The following CPLANE1 variants were observed in gnomAD, a reference collection of about 807,000 sequenced individuals.
The protein encoded by CPLANE1 is ciliogenesis and planar polarity effector complex subunit 1, also known as ciliogenesis and planar polarity effector 1.
A neutral mutation model predicts 362.5 loss-of-function variants in CPLANE1; 263 were observed. That is an observed-to-expected ratio of 0.73 (90% confidence interval 0.66 to 0.80). The LOEUF (loss-of-function observed/expected upper bound fraction) is 0.80. Ranked by LOEUF, CPLANE1 falls within the 30% of genes least tolerant of loss-of-function variation. CPLANE1 has a pLI of 0.00. For synonymous variants in CPLANE1, 1,212 were observed against 1,302.6 expected (o/e 0.93, Z 1.50); for missense variants, 3,461 against 3,793.4 (o/e 0.91, Z 2.30).
At chr5:37,223,404 A>G (rs910851007) in intron 14 of CPLANE1, among the ~76,000 whole-genome samples, 5 of 152,242 alleles carry the variant, frequency 3.3e-5, no homozygotes, top group Non-Finnish European at 7.3e-5. Context: ...TTGAAGGTAA[A>G]GTTGTTTATT....
the CPLANE1 span, among the ~76,000 whole-genome samples, chr5:37,088,104 G>C: frequency 2.0e-5 from 3 of 152,178 alleles, no homozygotes; most frequent in Non-Finnish European, 2.9e-5. Flanking sequence ...GGCTTGGGAC[G>C]GAATTCCCAA....
intron 42 of CPLANE1, among the ~76,000 whole-genome samples, chr5:37,150,938 T>G (rs922977968): frequency 6.6e-6 from 1 of 152,222 alleles, no homozygotes; most frequent in Non-Finnish European, 1.5e-5. Flanking sequence ...GGAACCACTG[T>G]GACCCATGTG....
At chr5:37,078,726 T>G in the CPLANE1 span, among the ~76,000 whole-genome samples, 1 of 152,034 alleles carries the variant, frequency 6.6e-6, no homozygotes, top group African/African-American at 2.4e-5. Flanking sequence ...TTTTTTTTTT[T>G]TTTGACATTT....
At position 37,224,651 on chromosome 5, in the gene CPLANE1, AACTG is replaced by A. The variant is rs1305248664; in HGVS notation, c.2377_2380del (p.Gln793Ter). 6.4e-6 allele frequency: 10 copies of A among 1,551,374 alleles called. No homozygotes were observed. The highest frequency in any genetic ancestry group is 1.2e-5 in the South Asian group (1 of 84,062). ...TGCTTCATGTGTCATCTTTTCAGTT[AACTG>A]ACTATCAGCTTCAGGAACTCTTCGA... is the stretch of plus-strand genomic sequence containing the variant. On this transcript the variant is annotated frameshift_variant, in exon 13 of 53. Transcript: ENST00000651892.
chr5:37,139,926 A>G, intron 44 of CPLANE1: 3 of 985,396 alleles, frequency 3.0e-6, no homozygotes, highest in Non-Finnish European at 3.6e-6. Context: ...TTTGCTTAGT[A>G]CACAGTTTAG....
intron 51 of CPLANE1, among the ~76,000 whole-genome samples, chr5:37,110,348 C>A (rs556079472): frequency 3.9e-5 from 6 of 152,318 alleles, no homozygotes; most frequent in African/African-American, 1.4e-4. Flanking sequence ...ATACAACAAT[C>A]TTACCAGAAC....
chr5:37,193,915 T>A (rs1380864442), intron 21 of CPLANE1, among the ~76,000 whole-genome samples: 1 of 148,598 alleles, frequency 6.7e-6, no homozygotes, highest in Admixed American at 6.7e-5. Flanking sequence ...AGAAAGGAAC[T>A]TTTTTTTTCT....
intron 46 of CPLANE1, among the ~76,000 whole-genome samples, chr5:37,134,208 G>T (rs1163680231): frequency 1.3e-5 from 2 of 152,146 alleles, no homozygotes; most frequent in Non-Finnish European, 2.9e-5. Context: ...AGTTTCAGTA[G>T]AATTCCCACC....
In CPLANE1 at chr5:37,126,918, G is replaced by A. The variant is rs926183576; in HGVS notation, c.8793-1509C>T. ...AAAAAGACACCCTCCTAAACAGAAG[G>A]CCAGTCACAAATACAAACAATATAG... On this transcript the variant is annotated intron_variant, in intron 46 of 52. Transcript: ENST00000651892. Among the ~76,000 whole-genome samples, 4 of 152,238 alleles carry A rather than the reference G, an allele frequency of 2.6e-5. No individual in the cohort carries two copies. The East Asian group carries it at 7.7e-4, about 29-fold the overall frequency.
chr5:37,241,131 G>C (rs1211372677), intron 6 of CPLANE1, among the ~76,000 whole-genome samples: 1 of 150,754 alleles, frequency 6.6e-6, no homozygotes, highest in Non-Finnish European at 1.5e-5. Flanking sequence ...GTGAGACTCT[G>C]TCTCAAAAAA....
chr5:37,153,720 T>C lies in CPLANE1; in HGVS notation c.8373+20A>G. The C allele has an allele frequency of 1.3e-6, 2 of 1,582,500 alleles. No homozygotes were observed. The highest frequency in any genetic ancestry group is 1.7e-6 in the Non-Finnish European group (2 of 1,159,406). ...AATAATTCAGTAGCAAACAAAAAAC[T>C]AAAAATAAAGGTAGTCTACCTTATC... is the stretch of plus-strand genomic sequence containing the variant. On this transcript the variant is annotated intron_variant, in intron 42 of 52. Transcript: ENST00000651892.
the CPLANE1 span, chr5:37,085,893 A>T: frequency 4.6e-6 from 4 of 861,908 alleles, no homozygotes; most frequent in African/African-American, 5.1e-5. Context: ...GTACATAATT[A>T]AAAATAATGT....
At chr5:37,129,255 C>G (rs1765108570) in intron 46 of CPLANE1, among the ~76,000 whole-genome samples, 1 of 152,170 alleles carries the variant, frequency 6.6e-6, no homozygotes, top group African/African-American at 2.4e-5. Flanking sequence ...AAAATCAACT[C>G]AAGATGTATC....
chr5:37,170,093 T>C lies in CPLANE1; in HGVS notation c.6410A>G (p.His2137Arg), dbSNP rs958416569. 11 of 1,614,078 alleles carry C rather than the reference T, an allele frequency of 6.8e-6. No individual in the cohort carries two copies. The East Asian group carries it at 2.2e-4, about 33-fold the overall frequency. ...NAREPRKNSP[H>R]CHEGTIPSGQ... Reference sequence around the variant, plus strand: ...AGATGGGATAGTTCCTTCATGGCAGTGTGGGCTGTTCTTGCGAGGCTCTCT... The same window carrying C: ...AGATGGGATAGTTCCTTCATGGCAGCGTGGGCTGTTCTTGCGAGGCTCTCT... Residue 2137 changes from histidine (H) to arginine (R), a missense_variant, in exon 33 of 53, where the codon CAC becomes CGC. Coordinates refer to ENST00000651892, the MANE Select transcript of CPLANE1 (RefSeq NM_001384732.1).
chr5:37,194,596 C>G (rs1456583182), intron 21 of CPLANE1, among the ~76,000 whole-genome samples: 1 of 151,260 alleles, frequency 6.6e-6, no homozygotes. Context: ...GTTGGAAAAA[C>G]AGACAATCTG....
chr5:37,103,350 A>C (rs997358076), downstream of CPLANE1, among the ~76,000 whole-genome samples: 1 of 152,180 alleles, frequency 6.6e-6, no homozygotes, highest in Non-Finnish European at 1.5e-5. Context: ...TAATTGTGGC[A>C]TTAAGTCCAT....
chr5:37,209,516 T>G lies in CPLANE1; in HGVS notation c.2921-3091A>C. The G allele has an allele frequency of 7.8e-7, 1 of 1,278,052 alleles. No individual in the cohort carries two copies. Among genetic ancestry groups the G allele is most frequent in the South Asian group, 1.2e-5 (1 of 84,182 alleles). 79.2% of individuals were successfully genotyped at this position (1,278,052 alleles called of 1,614,324 possible). A position where few individuals can be genotyped will look rare whatever the true frequency, so the allele number is the denominator to read the frequency against. ...AGCTAATTCATGAGTTAATGCACCCTGTATTGAGTGGAGAACTGCAACCTC... is the reference window on the plus strand; with the variant it reads ...AGCTAATTCATGAGTTAATGCACCCGGTATTGAGTGGAGAACTGCAACCTC... On this transcript the variant is annotated intron_variant, in intron 16 of 52. Coordinates refer to ENST00000651892, the MANE Select transcript of CPLANE1 (RefSeq NM_001384732.1). The surrounding 1 kb of genome is among the most constrained non-coding windows in gnomAD (Gnocchi z 4.6).
intron 25 of CPLANE1, 131 bp from the exon 26 acceptor site, chr5:37,183,830 T>G: frequency 1.6e-6 from 1 of 621,274 alleles, no homozygotes; most frequent in Non-Finnish European, 2.7e-6. Context: ...TTACCTACAT[T>G]TCAAATGAGG....
At chr5:37,177,907 C>T (rs1190447150) in intron 29 of CPLANE1, among the ~76,000 whole-genome samples, 1 of 152,154 alleles carries the variant, frequency 6.6e-6, no homozygotes. Context: ...TCACACTGGG[C>T]TATTGAGCAT....
Sources: gnomAD v4.1 joint callset for allele counts (sites outside exome capture counted in the v4.1 genomes callset) on GRCh38, gnomAD v4.1.1 for gene constraint, Gnocchi (gnomAD v3.1) non-coding constraint, MANE v1.5 for transcripts, NCBI Gene and HGNC (gene_info 2026-07-23, HGNC 2026-07-21) for gene names.